Variants in CDH18 observed in about 807,000 individuals in gnomAD.
CDH18 encodes cadherin 18.
A neutral mutation model predicts 67.9 loss-of-function variants in CDH18; 31 were observed. That is an observed-to-expected ratio of 0.46 (90% CI 0.34 to 0.62). The LOEUF (loss-of-function observed/expected upper bound fraction) is 0.62. Ranked by LOEUF, CDH18 falls within the 20% of genes least tolerant of loss-of-function variation. The pLI, the probability that CDH18 is intolerant of heterozygous loss-of-function variation, is 0.01. For synonymous variants in CDH18, 362 were observed against 347.2 expected (o/e 1.04, Z -0.48); for missense variants, 890 against 975.5 (o/e 0.91, Z 1.17).
chr5:19,501,929 C>T (rs1034629089), intron 11 of CDH18, among the ~76,000 whole-genome samples: 4 of 152,138 alleles, frequency 2.6e-5, no homozygotes, highest in Admixed American at 1.3e-4. Flanking sequence ...TGCAATTTGT[C>T]ATACACAAAC....
intron 1 of CDH18, among the ~76,000 whole-genome samples, chr5:20,476,994 C>A (rs1392734317): frequency 6.6e-6 from 1 of 152,042 alleles, no homozygotes. Context: ...TTTGTGTCTG[C>A]TGTTTTTAAT....
chr5:19,829,158 A>T lies in CDH18; in HGVS notation c.228+9601T>A, dbSNP rs76888910. 2.4e-3 allele frequency among the ~76,000 whole-genome samples: 358 copies of T among 152,282 alleles called. 1 individual carries two copies. Among genetic ancestry groups the T allele is most frequent in the African/African-American group, 7.7e-3 (321 of 41,580 alleles). Reference sequence around the variant, plus strand: ...TCCCCTTCAGAAACAGACCAAAACAAACATGACCACTCACACCACTGCTGT... The same window carrying T: ...TCCCCTTCAGAAACAGACCAAAACATACATGACCACTCACACCACTGCTGT... On this transcript the variant is annotated intron_variant, in intron 3 of 12. Transcript: ENST00000382275.
chr5:20,501,581 TTATATATATATATTATATATA>T (rs1192205699), intron 1 of CDH18, among the ~76,000 whole-genome samples: 143 of 13,038 alleles, frequency 0.011, 3 homozygotes, highest in African/African-American at 0.028. Flanking sequence ...TATATATATA[TTATATATATATATTATATATA>T]TATATATATA....
At chr5:20,522,011 G>T (rs1205616003) in intron 1 of CDH18, among the ~76,000 whole-genome samples, 1 of 152,140 alleles carries the variant, frequency 6.6e-6, no homozygotes, top group Non-Finnish European at 1.5e-5. Context: ...TCTTTAAAGA[G>T]GTGATAAAGT....
chr5:19,707,233 AC>A (rs771506429), intron 5 of CDH18, among the ~76,000 whole-genome samples: 17 of 152,234 alleles, frequency 1.1e-4, no homozygotes, highest in African/African-American at 3.6e-4. Flanking sequence ...CACGAGCAAC[AC>A]CCGTTGAACA....
At chr5:20,295,531 G>A (rs940689920) in intron 1 of CDH18, among the ~76,000 whole-genome samples, 11 of 152,050 alleles carry the variant, frequency 7.2e-5, no homozygotes, top group Non-Finnish European at 1.3e-4. Flanking sequence ...GATCAAGACC[G>A]TCCTGGCCAA....
chr5:20,559,902 C>T lies in CDH18; in HGVS notation c.-580+15560G>A, dbSNP rs543650356. ...TAGGGAGATGTGCAGGCTGCGGATT[C>T]ATTTGATTATATCTTACTAGCTAAA... On this transcript the variant is annotated intron_variant, in intron 1 of 14. Transcript: ENST00000507958. Among the ~76,000 whole-genome samples the T allele has an allele frequency of 4.6e-5, 7 of 152,242 alleles. No individual in the cohort carries two copies. The South Asian group carries it at 1.4e-3, about 32-fold the overall frequency.
intron 11 of CDH18, among the ~76,000 whole-genome samples, chr5:19,493,539 T>G (rs73760030): frequency 0.011 from 745 of 68,530 alleles, 3 homozygotes; most frequent in African/African-American, 0.035. Context: ...GGAATTGGGG[T>G]GTGTGTGTGT....
intron 1 of CDH18, among the ~76,000 whole-genome samples, chr5:20,481,294 A>G (rs1752790699): frequency 6.6e-6 from 1 of 152,144 alleles, no homozygotes; most frequent in Admixed American, 6.5e-5. Flanking sequence ...GGAATTGTAA[A>G]TACATATGCA....
chr5:20,511,685 C>T (rs1755045995), intron 1 of CDH18, among the ~76,000 whole-genome samples: 1 of 152,116 alleles, frequency 6.6e-6, no homozygotes, highest in South Asian at 2.1e-4. Flanking sequence ...AATTTATCTG[C>T]TCTGATAAGG....
chr5:20,502,731 C>T (rs1754410533), intron 1 of CDH18, among the ~76,000 whole-genome samples: 1 of 152,096 alleles, frequency 6.6e-6, no homozygotes, highest in African/African-American at 2.4e-5. Flanking sequence ...AACAATTCTT[C>T]TGGGAAATGG....
intron 1 of CDH18, among the ~76,000 whole-genome samples, chr5:20,399,847 A>G (rs750892551): frequency 3.8e-4 from 58 of 152,314 alleles, no homozygotes; most frequent in Non-Finnish European, 7.8e-4. Flanking sequence ...GCCTCCAGAA[A>G]TATCAAGTAA....
intron 2 of CDH18, among the ~76,000 whole-genome samples, chr5:20,125,547 T>G (rs560382966): frequency 6.6e-6 from 1 of 152,316 alleles, no homozygotes; most frequent in East Asian, 1.9e-4. Flanking sequence ...CTATCAAACT[T>G]TTAAAAGTAA....
chr5:19,829,734 A>T (rs1780810996), intron 3 of CDH18, among the ~76,000 whole-genome samples: 1 of 152,054 alleles, frequency 6.6e-6, no homozygotes, highest in Non-Finnish European at 1.5e-5. Context: ...TATGAAACCA[A>T]AAAAGAGCTT....
intron 2 of CDH18, among the ~76,000 whole-genome samples, chr5:20,145,223 T>A (rs7727683): frequency 0.84 from 127,040 of 152,112 alleles, 54,922 homozygotes; most frequent in Non-Finnish European, 0.94. Flanking sequence ...TTGATATATG[T>A]GAGATACCTA....
At chr5:20,370,237 T>C (rs896986379) in intron 1 of CDH18, among the ~76,000 whole-genome samples, 6 of 152,144 alleles carry the variant, frequency 3.9e-5, no homozygotes, top group African/African-American at 1.4e-4. Context: ...ATCATTATTA[T>C]CCTTATCACT....
rs567671142 is a variant in CDH18 at position 19,881,140 on chromosome 5, A to G, written c.-256-41898T>C. Among the ~76,000 whole-genome samples, 13 of 152,324 alleles carry G rather than the reference A, an allele frequency of 8.5e-5. No homozygotes were observed. In the South Asian group the frequency reaches 2.7e-3, roughly 32 times the overall value. On this transcript the variant is annotated intron_variant, in intron 2 of 12. Transcript: ENST00000382275. ...TATGAAGGGATATGTATGAAGGCAG[A>G]GGGCAGATACAATATTAATAAGAAA...
chr5:20,522,513 T>A (rs1278757353), intron 1 of CDH18, among the ~76,000 whole-genome samples: 1 of 152,208 alleles, frequency 6.6e-6, no homozygotes, highest in Non-Finnish European at 1.5e-5. Context: ...AACAGTGCAG[T>A]TACATATTTA....
At chr5:20,193,052 A>G (rs991153529) in intron 2 of CDH18, among the ~76,000 whole-genome samples, 1 of 151,988 alleles carries the variant, frequency 6.6e-6, no homozygotes, top group African/African-American at 2.4e-5. Flanking sequence ...GTTCTCCTTG[A>G]AGAGGTCATT....
Sources: gnomAD v4.1 joint callset for allele counts (sites outside exome capture counted in the v4.1 genomes callset) on GRCh38, gnomAD v4.1.1 for gene constraint, MANE v1.5 for transcripts, NCBI Gene and HGNC (gene_info 2026-07-23, HGNC 2026-07-21) for gene names.